PLCH2: variants seen among roughly 807,000 people sequenced by gnomAD.
PLCH2 encodes phospholipase C eta 2.
Under a neutral mutation model 134.7 loss-of-function variants are expected in PLCH2, and 98 were observed. That is an observed-to-expected ratio of 0.73 (90% CI 0.62 to 0.86). PLCH2 has a LOEUF of 0.86. Ranked by LOEUF, PLCH2 falls within the 40% of genes least tolerant of loss-of-function variation. PLCH2 has a pLI of 0.00. For missense variants in PLCH2, 1,994 were observed against 1,986.6 expected, an observed-to-expected ratio of 1.00 and a Z score of -0.07; for synonymous variants, 974 against 827.5, an observed-to-expected ratio of 1.18 and a Z score of -3.04.
exon 1 of PLCH2, chr1:2,467,466 G>T (rs1030664785): frequency 2.0e-5 from 8 of 392,708 alleles, no homozygotes; most frequent in Non-Finnish European, 3.6e-5. Flanking sequence ...CCTCACGGGC[G>T]GGCGCGGCAG....
chr1:2,504,784 C>A lies in PLCH2; in HGVS notation c.3822C>A (p.Arg1274=), dbSNP rs372614617. ...DFAPSFEGGS[R]RLSHSLGLPG... is the part of the protein sequence containing the mutation. ...CCCCTAGCTTTGAGGGCGGCTCCCG[C>A]AGACTGAGCCACAGCCTGGGCCTCC... is the stretch of plus-strand genomic sequence containing the variant. The change falls in exon 22 of 22, where the codon CGC becomes CGA. Residue 1274 remains arginine (R), a synonymous_variant. Coordinates refer to ENST00000378486, the MANE Select transcript of PLCH2 (RefSeq NM_014638.4). 1.8e-5 allele frequency: 29 copies of A among 1,612,198 alleles called. No individual in the cohort carries two copies. The East Asian group carries it at 2.0e-4, about 11-fold the overall frequency.
At chr1:2,455,696 C>T (rs1228689151) in intron 2 of PLCH2, among the ~76,000 whole-genome samples, 2 of 152,180 alleles carry the variant, frequency 1.3e-5, no homozygotes, top group Non-Finnish European at 2.9e-5. Context: ...AGGGCCTTTG[C>T]TGCAGATGGA....
intron 2 of PLCH2, among the ~76,000 whole-genome samples, chr1:2,452,670 G>A (rs568408163): frequency 4.3e-4 from 65 of 152,320 alleles, no homozygotes; most frequent in Non-Finnish European, 7.4e-4. Flanking sequence ...CACAGGCCCT[G>A]GGGACAGGGG....
intron 2 of PLCH2, among the ~76,000 whole-genome samples, chr1:2,433,376 G>C (rs573262102): frequency 6.6e-6 from 1 of 152,202 alleles, no homozygotes; most frequent in Non-Finnish European, 1.5e-5. Context: ...GCCCTACTTG[G>C]CCGGGGGCTG....
intron 2 of PLCH2, among the ~76,000 whole-genome samples, chr1:2,462,289 C>T (rs1389341323): frequency 2.4e-5 from 3 of 123,428 alleles, no homozygotes; most frequent in South Asian, 6.7e-4. Flanking sequence ...ACCCCCTCCA[C>T]CTGACACCCC....
Position 2,444,660 on chromosome 1 carries a change from T to A in PLCH2, c.115+14031T>A, listed in dbSNP as rs925139368. Among the ~76,000 whole-genome samples, 1 of 151,960 alleles carries A rather than the reference T, an allele frequency of 6.6e-6. No homozygotes were observed. The highest frequency in any genetic ancestry group is 1.5e-5 in the Non-Finnish European group (1 of 67,944). ...GGAAGATGCCAAGGAGATAAGAGGC[T>A]TCCCCTCCCCTCCGCTCCCCGCCTC... is the stretch of plus-strand genomic sequence containing the variant. On this transcript the variant is annotated intron_variant, in intron 2 of 3. Coordinates refer to the PLCH2 transcript ENST00000609981. This position sits in a 1 kb window ranked among gnomAD's most constrained non-coding sequence, Gnocchi z 4.6.
chr1:2,492,173 C>T (rs1457175784), intron 11 of PLCH2: 1 of 152,234 alleles, frequency 6.6e-6, no homozygotes. Flanking sequence ...TCTCCCTGGC[C>T]AAGTGAGGGT....
chr1:2,455,940 G>C (rs917028733), intron 2 of PLCH2, among the ~76,000 whole-genome samples: 8 of 152,250 alleles, frequency 5.3e-5, no homozygotes, highest in Admixed American at 4.6e-4. Flanking sequence ...GTGTTTAAGT[G>C]TATTTTTAAA....
At chr1:2,467,523 C>A (rs1265745571) in exon 1 of PLCH2, 3 of 397,882 alleles carry the variant, frequency 7.5e-6, no homozygotes, top group Non-Finnish European at 1.3e-5. Flanking sequence ...GCGCGGGGTG[C>A]CCCTGCTCGG....
At position 2,496,831 on chromosome 1, in the gene PLCH2, C is replaced by T. The variant is rs749879031; in HGVS notation, c.1937C>T (p.Ala646Val). The change falls in exon 15 of 22, where the codon GCG becomes GTG. Residue 646 changes from alanine (A) to valine (V), a missense_variant. This residue lies in a region of PLCH2 where 1,094 missense variants were observed against 1,234.3 expected (regional missense o/e 0.89). Coordinates refer to ENST00000378486, the MANE Select transcript of PLCH2 (RefSeq NM_014638.4). ...TGCCCGGTCACCGGCGCCACAGCGG[C>T]GTCCAGCTGGCAGGTGTCGTCCTTC... ...VATHDIEMEA[A>V]SSWQVSSFSE... 16 of 1,611,736 alleles carry T rather than the reference C, an allele frequency of 9.9e-6. No homozygotes were observed. In the East Asian group the frequency reaches 1.3e-4, roughly 13 times the overall value.
At chr1:2,422,269 A>T (rs1638557360), upstream of PLCH2, among the ~76,000 whole-genome samples, 1 of 139,276 alleles carries the variant, frequency 7.2e-6, no homozygotes, top group Non-Finnish European at 1.6e-5. Context: ...ACTCCACCTC[A>T]AAAAACAAAC....
At chr1:2,464,985 C>A (rs913478104), upstream of PLCH2, among the ~76,000 whole-genome samples, 1 of 152,150 alleles carries the variant, frequency 6.6e-6, no homozygotes, top group Non-Finnish European at 1.5e-5. Context: ...GTCACTGAAG[C>A]CCAAGAGGGC....
upstream of PLCH2, among the ~76,000 whole-genome samples, chr1:2,422,970 A>G (rs1638593347): frequency 6.6e-6 from 1 of 152,186 alleles, no homozygotes; most frequent in Non-Finnish European, 1.5e-5. Flanking sequence ...ACGTTTTATT[A>G]AATATTATCC....
intron 2 of PLCH2, among the ~76,000 whole-genome samples, chr1:2,438,540 G>A (rs1396850313): frequency 6.6e-6 from 1 of 152,176 alleles, no homozygotes; most frequent in East Asian, 1.9e-4. Context: ...CATCAGAGAG[G>A]GCAGCATGAG....
upstream of PLCH2, among the ~76,000 whole-genome samples, chr1:2,463,557 G>A (rs758026040): frequency 1.3e-5 from 2 of 152,302 alleles, no homozygotes; most frequent in East Asian, 1.9e-4. Context: ...GGCACCCCAC[G>A]AAGGCCCCAC....
At chr1:2,501,074 T>A (rs1643199660) in intron 20 of PLCH2, 1 of 151,892 alleles carries the variant, frequency 6.6e-6, no homozygotes, top group Non-Finnish European at 1.5e-5. Flanking sequence ...GAATCCCGGA[T>A]CTGCTTCTAA....
rs770635888 is a variant in PLCH2, at chr1:2,480,014, G to A, written c.515+37G>A. Reference sequence around the variant, plus strand: ...CACCTATCGGGCAATGCAGACCCAGGGACCGGCCCCTTGGCTGCTCACCCT... The same window carrying A: ...CACCTATCGGGCAATGCAGACCCAGAGACCGGCCCCTTGGCTGCTCACCCT... On this transcript the variant is annotated intron_variant, in intron 3 of 21. Transcript: ENST00000378486. The A allele has an allele frequency of 3.1e-6, 5 of 1,590,882 alleles. No homozygotes were observed. The East Asian group carries it at 9.0e-5, about 29-fold the overall frequency.
At chr1:2,489,635 T>C in intron 9 of PLCH2, 125 bp from the exon 10 acceptor site, 1 of 814,528 alleles carries the variant, frequency 1.2e-6, no homozygotes, top group Admixed American at 2.2e-5. Context: ...GCCCCATGGC[T>C]GAGATGCCAA....
chr1:2,470,468 C>T (rs776783732), intron 1 of PLCH2, among the ~76,000 whole-genome samples: 20 of 152,346 alleles, frequency 1.3e-4, no homozygotes, highest in Non-Finnish European at 2.1e-4. Context: ...CTCCAGGACA[C>T]CCTCTCTGTC....
Sources: allele counts gnomAD v4.1 joint callset (sites outside exome capture counted in the v4.1 genomes callset), GRCh38; gene constraint gnomAD v4.1.1; regional missense constraint gnomAD v4.1.1; non-coding constraint Gnocchi (gnomAD v3.1); transcripts MANE v1.5; gene names NCBI Gene and HGNC (gene_info 2026-07-23, HGNC 2026-07-21).